SLC8A1: variants seen among roughly 807,000 people sequenced by gnomAD.
The protein encoded by SLC8A1 is solute carrier family 8 member A1, also known as sodium/calcium exchanger 1.
Under a neutral mutation model 68.3 loss-of-function variants are expected in SLC8A1, and 18 were observed. That is an observed-to-expected ratio of 0.26 (90% CI 0.18 to 0.39). SLC8A1 has a LOEUF of 0.39. Ranked by LOEUF, SLC8A1 falls within the 10% of genes least tolerant of loss-of-function variation. The pLI is 1.00. For missense variants in SLC8A1, 985 were observed against 1,156.7 expected (o/e 0.85, Z 2.15); for synonymous variants, 475 against 415.5 (o/e 1.14, Z -1.74).
intron 2 of SLC8A1, among the ~76,000 whole-genome samples, chr2:40,311,781 T>C (rs1044723528): frequency 7.9e-5 from 12 of 152,274 alleles, no homozygotes; most frequent in African/African-American, 2.6e-4. Flanking sequence ...AAATAGACTT[T>C]GTTTTGAATA....
At chr2:40,144,134 G>A (rs1331107413) in intron 6 of SLC8A1, among the ~76,000 whole-genome samples, 1 of 152,262 alleles carries the variant, frequency 6.6e-6, no homozygotes, top group East Asian at 1.9e-4. Context: ...AATACAATGT[G>A]AGTATCCTGA....
chr2:40,167,917 T>C (rs188234104), intron 4 of SLC8A1, among the ~76,000 whole-genome samples: 61 of 152,332 alleles, frequency 4.0e-4, no homozygotes, highest in East Asian at 9.6e-4. Flanking sequence ...ATAAGTTTCA[T>C]TGTGCTTTGA....
rs547144566 is a variant in SLC8A1 at position 40,161,604 on chromosome 2, C to A, written c.2062-740G>T. Among the ~76,000 whole-genome samples, 10 of 152,286 alleles carry A rather than the reference C, an allele frequency of 6.6e-5. No individual in the cohort carries two copies. The South Asian group carries it at 2.1e-3, about 32-fold the overall frequency. On this transcript the variant is annotated intron_variant, in intron 5 of 7. Transcript: ENST00000406785. ...TTTTAAGCACCTTGTTTTGTACAATCAGTACTCTCTAGCTTTCTAAATTCA... is the reference window on the plus strand; with the variant it reads ...TTTTAAGCACCTTGTTTTGTACAATAAGTACTCTCTAGCTTTCTAAATTCA...
intron 2 of SLC8A1, among the ~76,000 whole-genome samples, chr2:40,242,459 A>G (rs1459129709): frequency 6.6e-6 from 1 of 152,094 alleles, no homozygotes; most frequent in Non-Finnish European, 1.5e-5. Context: ...GCTTCTCCCT[A>G]TGGCATGTGC....
At chr2:40,145,542 T>C (rs116732684) in intron 6 of SLC8A1, among the ~76,000 whole-genome samples, 1,982 of 152,322 alleles carry the variant, frequency 0.013, 53 homozygotes, top group African/African-American at 0.046. Context: ...ATTATGACTT[T>C]TTTGCAACCT....
chr2:40,283,702 A>G (rs1182763327), intron 2 of SLC8A1, among the ~76,000 whole-genome samples: 1 of 152,218 alleles, frequency 6.6e-6, no homozygotes, highest in Non-Finnish European at 1.5e-5. Flanking sequence ...AGCTCACTGC[A>G]GCTGTCCTTT....
chr2:40,354,881 C>T lies in SLC8A1; in HGVS notation c.1808+73592G>A, dbSNP rs569657361. On this transcript the variant is annotated intron_variant, in intron 2 of 7. Coordinates refer to ENST00000406785, the Ensembl canonical transcript of SLC8A1. ...TAATAAGGATCTTGACAATGCACCC[C>T]TCCCTTTCAGATTACCTCTAGAAAT... 4.6e-5 allele frequency among the ~76,000 whole-genome samples: 7 copies of T among 152,182 alleles called. No homozygotes were observed. The South Asian group carries it at 1.2e-3, about 27-fold the overall frequency.
intron 2 of SLC8A1, among the ~76,000 whole-genome samples, chr2:40,290,418 T>G (rs2069095147): frequency 6.6e-6 from 1 of 152,144 alleles, no homozygotes; most frequent in Non-Finnish European, 1.5e-5. Flanking sequence ...CAACAATTTA[T>G]TCATCCCCTT....
intron 2 of SLC8A1, among the ~76,000 whole-genome samples, chr2:40,345,861 G>A (rs1039327376): frequency 5.9e-5 from 9 of 151,928 alleles, no homozygotes; most frequent in Non-Finnish European, 1.3e-4. Flanking sequence ...GAGGGCAAGG[G>A]GAGGGAGAGC....
At chr2:40,246,951 G>A (rs1223887053) in intron 2 of SLC8A1, among the ~76,000 whole-genome samples, 2 of 151,802 alleles carry the variant, frequency 1.3e-5, no homozygotes, top group South Asian at 4.2e-4. Context: ...AAAAAAAAAA[G>A]AATATTTTCC....
rs10522914 is a variant in SLC8A1, at chr2:40,287,582, ATGTGTGTG to A, written c.1809-109735_1809-109728del. ...TTTCAGCGGACTTGGCAGAGGAATG[ATGTGTGTG>A]TGTGTGTGTGTGTGTGTGTGTGTGT... On this transcript the variant is annotated intron_variant, in intron 2 of 7. Coordinates refer to ENST00000406785, the Ensembl canonical transcript of SLC8A1. Among the ~76,000 whole-genome samples the A allele has an allele frequency of 9.3e-4, 119 of 127,560 alleles. 3 individuals are homozygous for A. The highest frequency in any genetic ancestry group is 4.2e-3 in the East Asian group (16 of 3,826). 83.7% of individuals were successfully genotyped at this position (127,560 alleles called of 152,430 possible). A position where few individuals can be genotyped will look rare whatever the true frequency, so the allele number is the denominator to read the frequency against.
At chr2:40,152,441 G>A (rs552385586) in intron 6 of SLC8A1, among the ~76,000 whole-genome samples, 87 of 152,202 alleles carry the variant, frequency 5.7e-4, no homozygotes, top group African/African-American at 2.0e-3. Flanking sequence ...GTCTTGCTCC[G>A]TTGCCCAGGC....
intron 2 of SLC8A1, among the ~76,000 whole-genome samples, chr2:40,274,997 T>G (rs2066517529): frequency 6.6e-6 from 1 of 152,220 alleles, no homozygotes. Flanking sequence ...ATATAAGTAA[T>G]TTACTGCAAA....
At chr2:40,429,367 T>G in exon 2 of SLC8A1, 1 of 1,613,884 alleles carries the variant, frequency 6.2e-7, no homozygotes, top group South Asian at 1.1e-5. Flanking sequence ...CAGAGCACCA[T>G]CTAAGAAATT....
chr2:40,396,595 G>A (rs972804480), intron 2 of SLC8A1, among the ~76,000 whole-genome samples: 6 of 151,272 alleles, frequency 4.0e-5, no homozygotes, highest in Admixed American at 1.3e-4. Context: ...AAACTAGTTG[G>A]CAATGAAAAA....
chr2:40,398,003 A>G (rs7581755), intron 2 of SLC8A1, among the ~76,000 whole-genome samples: 11,685 of 152,220 alleles, frequency 0.077, 1,470 homozygotes, highest in African/African-American at 0.26. Context: ...TGCCAGGAAA[A>G]TAACAGAATG....
At chr2:40,495,616 A>T (rs1357151109) in intron 1 of SLC8A1, among the ~76,000 whole-genome samples, 1 of 152,074 alleles carries the variant, frequency 6.6e-6, no homozygotes, top group Non-Finnish European at 1.5e-5. Context: ...AAAATCTACC[A>T]ATCTATTATC....
intron 2 of SLC8A1, among the ~76,000 whole-genome samples, chr2:40,411,829 C>T (rs1389590606): frequency 6.6e-6 from 1 of 151,980 alleles, no homozygotes; most frequent in African/African-American, 2.4e-5. Context: ...ACAATTTTCT[C>T]CTTGTCTTTT....
At chr2:40,296,721 T>C (rs987484948) in intron 2 of SLC8A1, among the ~76,000 whole-genome samples, 17 of 152,240 alleles carry the variant, frequency 1.1e-4, no homozygotes, top group African/African-American at 3.6e-4. Context: ...ATGTTTTATT[T>C]ATTTTATGTT....
Sources: allele counts gnomAD v4.1 joint callset (sites outside exome capture counted in the v4.1 genomes callset), GRCh38; gene constraint gnomAD v4.1.1; transcripts MANE v1.5; gene names NCBI Gene and HGNC (gene_info 2026-07-23, HGNC 2026-07-21).